BCL3: variants seen among roughly 807,000 people sequenced by gnomAD.
BCL3 encodes the protein BCL3 transcription coactivator.
Under a neutral mutation model 35.7 loss-of-function variants are expected in BCL3, and 15 were observed. That is an observed-to-expected ratio of 0.42 (90% CI 0.28 to 0.65). BCL3 has a LOEUF of 0.65. Among genes scored for constraint, BCL3 ranks in the 30% least tolerant of loss-of-function variants. The probability of loss-of-function intolerance (pLI) is 0.22; values close to 1 mark genes in which losing one functional copy is unlikely to be tolerated. For missense variants in BCL3, 565 were observed against 641.7 expected (o/e 0.88, Z 1.29); for synonymous variants, 311 against 284.3 (o/e 1.09, Z -0.95).
chr19:44,757,352 G>C lies in BCL3; in HGVS notation c.750G>C (p.Val250=), dbSNP rs1307102255. 1 of 1,606,564 alleles carries C rather than the reference G, an allele frequency of 6.2e-7. No homozygotes were observed. The highest frequency in any genetic ancestry group is 1.3e-5 in the African/African-American group (1 of 74,646). ...YDGLTALHVA[V]NTECQETVQL... ...GGCTCACCGCCCTGCACGTGGCAGT[G>C]AACACCGAGTGCCAAGAAACCGTGC... The change falls in exon 5 of 9, where the codon GTG becomes GTC. Residue 250 remains valine (V), a synonymous_variant. Transcript: ENST00000164227. The surrounding 1 kb of genome is among the most constrained non-coding windows in gnomAD (Gnocchi z 8.4).
At position 44,757,258 on chromosome 19, in the gene BCL3, G is replaced by T. The variant is rs1343380649; in HGVS notation, c.724+37G>T. ...CCGCGGGGCACCGCTGGGCTGTCCA[G>T]CGGACCTGGAGTCCATCAGCGGCCG... On this transcript the variant is annotated intron_variant, in intron 4 of 8. Transcript: ENST00000164227. This position sits in a 1 kb window ranked among gnomAD's most constrained non-coding sequence, Gnocchi z 8.4. 1 of 1,554,902 alleles carries T rather than the reference G, an allele frequency of 6.4e-7. No homozygotes were observed. Among genetic ancestry groups the T allele is most frequent in the East Asian group, 2.4e-5 (1 of 41,196 alleles).
In BCL3 at chr19:44,759,734, G is replaced by T; in HGVS notation, c.*119G>T. 2 of 618,582 alleles carry T rather than the reference G, an allele frequency of 3.2e-6. No homozygotes were observed. Among genetic ancestry groups the T allele is most frequent in the Non-Finnish European group, 5.5e-6 (2 of 363,548 alleles). The allele number at this position is 618,582 out of a possible 1,614,324, so 38.3% of individuals were successfully genotyped here. A position where few individuals can be genotyped will look rare whatever the true frequency, so the allele number is the denominator to read the frequency against. On this transcript the variant is annotated 3_prime_UTR_variant, in exon 9 of 9. Transcript: ENST00000164227. ...CCCCCCCCCCCATCTTCGGGACCAG[G>T]ATTTGCACAGAAGCACATGCACCTA...
chr19:44,758,817 A>G lies in BCL3; in HGVS notation c.1153A>G (p.Ser385Gly). ...PDRSANTSPE[S>G]SSRLSSNGLL... is the part of the protein sequence containing the mutation. ...CCGGAGCGCCAACACCTCCCCCGAG[A>G]GCAGCAGCCGCCTCAGCTCCAATGG... Residue 385 changes from serine (S) to glycine (G), a missense_variant, in exon 8 of 9, where the codon AGC becomes GGC. Ser to Gly is a moderately conservative substitution (Grantham distance 56, BLOSUM62 0). This residue lies in a region of BCL3 where 151 missense variants were observed against 138.1 expected (regional missense o/e 1.09). Transcript: ENST00000164227. 1 of 1,602,458 alleles carries G rather than the reference A, an allele frequency of 6.2e-7. No individual in the cohort carries two copies. The highest frequency in any genetic ancestry group is 8.5e-7 in the Non-Finnish European group (1 of 1,175,670).
At chr19:44,759,133 A>C (rs1967367003) in intron 8 of BCL3, among the ~76,000 whole-genome samples, 1 of 100,858 alleles carries the variant, frequency 9.9e-6, no homozygotes, top group Admixed American at 1.1e-4. Flanking sequence ...CCTCCCTCAG[A>C]CCCAGGAGTC....
At chr19:44,753,742 C>A (rs980019682) in intron 2 of BCL3, among the ~76,000 whole-genome samples, 1 of 134,340 alleles carries the variant, frequency 7.4e-6, no homozygotes, top group East Asian at 2.4e-4. Flanking sequence ...TCCTCACAGG[C>A]GGGTACGAGC....
chr19:44,749,055 C>A lies in BCL3; in HGVS notation c.256+9C>A. The stretch of plus-strand genomic sequence containing the variant: ...GGCGCTTTACTACCCCGGTGAGTGG[C>A]CCCCGAGGGTCCGGGCCGGGTGGGA... On this transcript the variant is annotated intron_variant, in intron 1 of 8. Transcript: ENST00000164227. The A allele has an allele frequency of 7.7e-7, 1 of 1,305,060 alleles. No homozygotes were observed. Among genetic ancestry groups the A allele is most frequent in the Non-Finnish European group, 9.8e-7 (1 of 1,020,574 alleles). 80.8% of individuals were successfully genotyped at this position (1,305,060 alleles called of 1,614,324 possible).
Position 44,748,923 on chromosome 19 carries a change from G to C in BCL3, c.133G>C (p.Ala45Pro). Reference protein sequence around the residue: ...RPLRAPSPEPAAPRGAAGLVV... With the variant: ...RPLRAPSPEPPAPRGAAGLVV... Reference sequence around the variant, plus strand: ...GCTGCGCGCGCCCTCCCCGGAGCCCGCCGCTCCCCGCGGCGCTGCGGGCCT... The same window carrying C: ...GCTGCGCGCGCCCTCCCCGGAGCCCCCCGCTCCCCGCGGCGCTGCGGGCCT... Residue 45 changes from alanine to proline, a missense_variant, in exon 1 of 9, where the codon GCC (alanine) becomes CCC (proline). By Grantham distance (27) the Ala-to-Pro change is conservative (BLOSUM62 -1). Coordinates refer to ENST00000164227, the MANE Select transcript of BCL3 (RefSeq NM_005178.5). 1 of 1,178,528 alleles carries C rather than the reference G, an allele frequency of 8.5e-7. No homozygotes were observed. Among genetic ancestry groups the C allele is most frequent in the Non-Finnish European group, 1.0e-6 (1 of 954,448 alleles). The allele number at this position is 1,178,528 out of a possible 1,614,324, so 73.0% of individuals were successfully genotyped here.
chr19:44,756,428 A>C, intron 3 of BCL3, 88 bp downstream of exon 3: 16 of 417,840 alleles, frequency 3.8e-5, no homozygotes, highest in East Asian at 8.7e-5. Context: ...CCTGGGTCTG[A>C]GGGAGGGGGG....
chr19:44,757,903 G>A lies in BCL3; in HGVS notation c.891+180G>A, dbSNP rs1237121144. Among the ~76,000 whole-genome samples, 2 of 152,064 alleles carry A rather than the reference G, an allele frequency of 1.3e-5. No individual in the cohort carries two copies. Among genetic ancestry groups the A allele is most frequent in the African/African-American group, 4.8e-5 (2 of 41,410 alleles). On this transcript the variant is annotated intron_variant, in intron 6 of 8. Coordinates refer to ENST00000164227, the MANE Select transcript of BCL3 (RefSeq NM_005178.5). This position sits in a 1 kb window ranked among gnomAD's most constrained non-coding sequence, Gnocchi z 8.4. ...CCTCGGGCTCCACGCCCCTGGCTAC[G>A]AACTTGTCCCATTCCTCCTCTGCCA...
At chr19:44,751,009 G>A (rs1376148490) in intron 1 of BCL3, among the ~76,000 whole-genome samples, 1 of 152,216 alleles carries the variant, frequency 6.6e-6, no homozygotes, top group East Asian at 1.9e-4. Flanking sequence ...TGACAATGAG[G>A]GTGACCAGCC....
intron 2 of BCL3, among the ~76,000 whole-genome samples, chr19:44,752,197 T>G (rs1258945794): frequency 1.3e-5 from 2 of 151,730 alleles, no homozygotes; most frequent in Non-Finnish European, 2.9e-5. Flanking sequence ...TTTCTTTTTT[T>G]CTTTTTCTTT....
intron 1 of BCL3, among the ~76,000 whole-genome samples, chr19:44,749,288 G>T (rs936800727): frequency 3.5e-5 from 5 of 141,694 alleles, no homozygotes; most frequent in African/African-American, 8.1e-5. Context: ...GTGACGTGGG[G>T]GGGGGGGGGC....
At position 44,751,230 on chromosome 19, in the gene BCL3, C is replaced by G. The variant is rs765593954; in HGVS notation, c.260C>G (p.Ala87Gly). 1.3e-5 allele frequency: 21 copies of G among 1,609,888 alleles called. No homozygotes were observed. The highest frequency in any genetic ancestry group is 5.1e-5 in the Admixed American group (3 of 59,222). The change falls in exon 2 of 9, where the codon GCC (alanine) becomes GGC (glycine). Residue 87 changes from alanine (A) to glycine (G), a missense_variant. By Grantham distance (60) the Ala-to-Gly change is moderately conservative. Around this residue, in one of 5 missense-constraint regions of BCL3, gnomAD observed 267 missense variants for 281.5 expected, o/e 0.95. Coordinates refer to ENST00000164227, the MANE Select transcript of BCL3 (RefSeq NM_005178.5). Reference sequence around the variant, plus strand: ...TTCTCTGTCCTCCATTGTCCAGGAGCCTTACTGCCTTTGTACCCCACTCGG... The same window carrying G: ...TTCTCTGTCCTCCATTGTCCAGGAGGCTTACTGCCTTTGTACCCCACTCGG... ...ARPEALYYPG[A>G]LLPLYPTRAM...
intron 2 of BCL3, among the ~76,000 whole-genome samples, chr19:44,753,642 G>T (rs1223914127): frequency 2.0e-5 from 3 of 152,136 alleles, no homozygotes; most frequent in Non-Finnish European, 4.4e-5. Context: ...CTTCACACCC[G>T]CGGGGGAGGG....
intron 8 of BCL3, 67 bp from the exon 9 acceptor site, chr19:44,759,361 G>A: frequency 2.6e-6 from 3 of 1,162,998 alleles, no homozygotes; most frequent in Non-Finnish European, 3.5e-6. Flanking sequence ...CAGATCTCAG[G>A]CCCCAGCCCC....
In BCL3 at chr19:44,757,357, C is replaced by T. The variant is rs955029984; in HGVS notation, c.755C>T (p.Thr252Ile). 6.2e-7 allele frequency: 1 copy of T among 1,606,842 alleles called. No individual in the cohort carries two copies. The highest frequency in any genetic ancestry group is 1.3e-5 in the African/African-American group (1 of 74,660). The change falls in exon 5 of 9, where the codon ACC becomes ATC. Residue 252 changes from threonine (T) to isoleucine (I), a missense_variant. Thr to Ile is a moderately conservative substitution (Grantham distance 89). Coordinates refer to ENST00000164227, the MANE Select transcript of BCL3 (RefSeq NM_005178.5). The surrounding 1 kb of genome is among the most constrained non-coding windows in gnomAD (Gnocchi z 8.4). ...ACCGCCCTGCACGTGGCAGTGAACA[C>T]CGAGTGCCAAGAAACCGTGCAGCTC... is the stretch of plus-strand genomic sequence containing the variant. ...GLTALHVAVN[T>I]ECQETVQLLL...
At position 44,748,880 on chromosome 19, in the gene BCL3, G is replaced by A. The variant is rs868028974; in HGVS notation, c.90G>A (p.Leu30=). ...CCGCCGGACTCCCGGGCGCCGCGCT[G>A]CCGCTCCGCAAGCGCCCGCTGCGCG... ...PKAAGLPGAA[L]PLRKRPLRAP... The change falls in exon 1 of 9, where the codon CTG becomes CTA. Residue 30 remains leucine (L), a synonymous_variant. Transcript: ENST00000164227. 17 of 1,115,856 alleles carry A rather than the reference G, an allele frequency of 1.5e-5. No individual in the cohort carries two copies. Among genetic ancestry groups the A allele is most frequent in the Middle Eastern group, 3.8e-4 (1 of 2,612 alleles). The allele number at this position is 1,115,856 out of a possible 1,614,324, so 69.1% of individuals were successfully genotyped here.
At chr19:44,758,471 C>T (rs765595926) in intron 7 of BCL3, 58 bp downstream of exon 7, 1 of 1,506,080 alleles carries the variant, frequency 6.6e-7, no homozygotes, top group Non-Finnish European at 8.9e-7. Flanking sequence ...GGGCTGGTTG[C>T]AGGCGAGTGT....
rs148862121 is a variant in BCL3, at chr19:44,756,865, G to A, written c.520-152G>A. 1.0e-3 allele frequency: 758 copies of A among 721,988 alleles called. 11 individuals carry two copies. Among genetic ancestry groups the A allele is most frequent in the South Asian group, 7.5e-3 (366 of 48,602 alleles). The allele number at this position is 721,988 out of a possible 1,614,324, so 44.7% of individuals were successfully genotyped here. A position where few individuals can be genotyped will look rare whatever the true frequency, so the allele number is the denominator to read the frequency against. The stretch of plus-strand genomic sequence containing the variant: ...GGGTCCTGGGGAAGGAGGAGCATGG[G>A]GCCCGGACTCTTGAATCTGAGACAG... On this transcript the variant is annotated intron_variant, in intron 3 of 8. Coordinates refer to ENST00000164227, the MANE Select transcript of BCL3 (RefSeq NM_005178.5).
Sources: gnomAD v4.1 joint callset for allele counts (sites outside exome capture counted in the v4.1 genomes callset) on GRCh38, gnomAD v4.1.1 for gene constraint, gnomAD v4.1.1 regional missense constraint, Gnocchi (gnomAD v3.1) non-coding constraint, MANE v1.5 for transcripts, NCBI Gene and HGNC (gene_info 2026-07-23, HGNC 2026-07-21) for gene names.